The following GDAP1 variants were observed in gnomAD, a reference collection of about 807,000 sequenced individuals.
The protein encoded by GDAP1 is ganglioside-induced differentiation-associated protein 1.
A neutral mutation model predicts 40.1 loss-of-function variants in GDAP1; 34 were observed. The ratio of observed to expected loss-of-function variants is 0.85; its 90% CI spans 0.64 to 1.13. The LOEUF (loss-of-function observed/expected upper bound fraction) is 1.13. Among genes scored for constraint, GDAP1 ranks in the 50% most tolerant of loss-of-function variants. The pLI, the probability that GDAP1 is intolerant of heterozygous loss-of-function variation, is 0.00. For missense variants in GDAP1, 374 were observed against 433.7 expected (o/e 0.86, Z 1.22); for synonymous variants, 170 against 157.4 (o/e 1.08, Z -0.60).
intron 2 of GDAP1, among the ~76,000 whole-genome samples, chr8:74,410,187 A>T (rs1028899626): frequency 1.3e-5 from 2 of 150,174 alleles, no homozygotes; most frequent in African/African-American, 5.1e-5. Flanking sequence ...GGACATTCTG[A>T]TGCCAATTCT....
intron 2 of GDAP1, among the ~76,000 whole-genome samples, chr8:74,471,850 G>A (rs775989728): frequency 6.6e-5 from 10 of 152,192 alleles, no homozygotes; most frequent in South Asian, 2.1e-4. Context: ...TCAATTGTTT[G>A]TTCCTTAATA....
rs767553697 is a variant in GDAP1, at chr8:74,364,164, G to A, written c.874G>A (p.Val292Ile). ...RVLKRKTFNK[V>I]LGHVNNILIS... ...CTTGAAGAGAAAAACATTTAACAAG[G>A]TTTTAGGACATGTCAACAATATATT... Residue 292 changes from valine to isoleucine, a missense_variant, in exon 6 of 6, where the codon GTT (valine) becomes ATT (isoleucine). Val to Ile is a conservative substitution (Grantham distance 29, BLOSUM62 3). Transcript: ENST00000220822. The A allele has an allele frequency of 5.0e-6, 8 of 1,613,988 alleles. No homozygotes were observed. Among genetic ancestry groups the A allele is most frequent in the Non-Finnish European group, 5.9e-6 (7 of 1,180,008 alleles).
chr8:74,378,856 T>C (rs955421067), intron 2 of GDAP1, among the ~76,000 whole-genome samples: 14 of 152,198 alleles, frequency 9.2e-5, no homozygotes, highest in Non-Finnish European at 1.3e-4. Flanking sequence ...TCTGTGAGTT[T>C]ACAGGAGTAC....
At chr8:74,362,545 C>A (rs60710045) in intron 4 of GDAP1, among the ~76,000 whole-genome samples, 1 of 152,176 alleles carries the variant, frequency 6.6e-6, no homozygotes, top group South Asian at 2.1e-4. Flanking sequence ...ACTCTCCACT[C>A]GCCGTTTAAC....
At position 74,383,391 on chromosome 8, in the gene GDAP1, A is replaced by G. The variant is rs73689112; in HGVS notation, c.165+32070A>G. On this transcript the variant is annotated intron_variant, in intron 2 of 2. Coordinates refer to the GDAP1 transcript ENST00000523640. The stretch of plus-strand genomic sequence containing the variant: ...CTTGTTCCAAATGCATTCCACTGAA[A>G]TTGTATCCCAGGTTAGTTAAAAGCT... Among the ~76,000 whole-genome samples the G allele has an allele frequency of 6.7e-3, 1,013 of 152,290 alleles. 12 individuals carry two copies. The highest frequency in any genetic ancestry group is 0.023 in the African/African-American group (962 of 41,560).
At position 74,351,354 on chromosome 8, in the gene GDAP1, T is replaced by C; in HGVS notation, c.198T>C (p.Pro66=). The change falls in exon 2 of 6, where the codon CCT becomes CCC. Residue 66 remains proline, a synonymous_variant. Transcript: ENST00000220822. ...VSLPLSEHNE[P]WFMRLNSTGE... is the part of the protein sequence containing the mutation. The stretch of plus-strand genomic sequence containing the variant: ...TGCCCTTGAGTGAGCACAATGAGCC[T>C]TGGTTTATGCGTTTGAACTCAACTG... 6.2e-7 allele frequency: 1 copy of C among 1,613,996 alleles called. No individual in the cohort carries two copies. Among genetic ancestry groups the C allele is most frequent in the Non-Finnish European group, 8.5e-7 (1 of 1,179,794 alleles).
chr8:74,372,201 G>C (rs375348888), intron 2 of GDAP1, among the ~76,000 whole-genome samples: 16 of 152,158 alleles, frequency 1.1e-4, no homozygotes, highest in South Asian at 2.1e-4. Context: ...CAAGTCTTTG[G>C]TATTGTGAAT....
chr8:74,363,459 C>T (rs1809471428), intron 5 of GDAP1, among the ~76,000 whole-genome samples: 1 of 152,152 alleles, frequency 6.6e-6, no homozygotes, highest in Non-Finnish European at 1.5e-5. Context: ...GGTAAGCATG[C>T]CAGTGAACTG....
chr8:74,448,563 T>C (rs565566890), intron 2 of GDAP1, among the ~76,000 whole-genome samples: 1 of 152,268 alleles, frequency 6.6e-6, no homozygotes, highest in South Asian at 2.1e-4. Flanking sequence ...ATGAGTGTTC[T>C]AGTTGCTCCA....
At chr8:74,400,882 C>T (rs1265812356) in intron 2 of GDAP1, among the ~76,000 whole-genome samples, 1 of 149,482 alleles carries the variant, frequency 6.7e-6, no homozygotes, top group South Asian at 2.1e-4. Flanking sequence ...ATATTGGCCC[C>T]CACTCTCTTC....
intron 2 of GDAP1, among the ~76,000 whole-genome samples, chr8:74,474,770 T>G (rs1472904716): frequency 6.6e-6 from 1 of 152,182 alleles, no homozygotes; most frequent in Admixed American, 6.5e-5. Flanking sequence ...TGGTTGTGTT[T>G]CCGCCAGGCT....
chr8:74,433,669 A>G (rs1329475687), intron 2 of GDAP1, among the ~76,000 whole-genome samples: 5 of 152,126 alleles, frequency 3.3e-5, no homozygotes, highest in Non-Finnish European at 5.9e-5. Context: ...GTTTTTTCAA[A>G]GAATTAAACT....
chr8:74,410,982 G>A (rs59336169), intron 2 of GDAP1, among the ~76,000 whole-genome samples: 2,430 of 150,088 alleles, frequency 0.016, 325 homozygotes, highest in African/African-American at 0.059. Flanking sequence ...GAGGGAGGGA[G>A]GTGATTGGAT....
Position 74,365,670 on chromosome 8 carries a change from C to T in GDAP1, c.*1303C>T, listed in dbSNP as rs1166490508. On this transcript the variant is annotated 3_prime_UTR_variant, in exon 6 of 6. Coordinates refer to ENST00000220822, the MANE Select transcript of GDAP1 (RefSeq NM_018972.4). The stretch of plus-strand genomic sequence containing the variant: ...TTTATCATTAATAGGAAAGTCATAC[C>T]TAGGAAACAATGACTTTTTGATGGC... 3 of 454,334 alleles carry T rather than the reference C, an allele frequency of 6.6e-6. No homozygotes were observed. Among genetic ancestry groups the T allele is most frequent in the Non-Finnish European group, 8.8e-6 (2 of 226,744 alleles). 28.1% of individuals were successfully genotyped at this position (454,334 alleles called of 1,614,324 possible). A position where few individuals can be genotyped will look rare whatever the true frequency, so the allele number is the denominator to read the frequency against.
chr8:74,362,030 C>T, intron 4 of GDAP1, 52 bp downstream of exon 4: 1 of 938,556 alleles, frequency 1.1e-6, no homozygotes, highest in Non-Finnish European at 1.7e-6. Flanking sequence ...AGTAAATGTT[C>T]TACTTTTTGT....
At chr8:74,483,092 C>G (rs1806732539) in intron 2 of GDAP1, among the ~76,000 whole-genome samples, 1 of 152,078 alleles carries the variant, frequency 6.6e-6, no homozygotes, top group African/African-American at 2.4e-5. Context: ...TTTCTGATCA[C>G]AATAAATGAA....
Position 74,451,405 on chromosome 8 carries a change from G to A in GDAP1, c.166-37273G>A, listed in dbSNP as rs1204777791. ...GTGGAGGTGGCAGTGAGCCAAGATC[G>A]TGCCCTTGCACTCTAGCCTAGGCGA... On this transcript the variant is annotated intron_variant, in intron 2 of 2. Coordinates refer to the GDAP1 transcript ENST00000523640. Among the ~76,000 whole-genome samples the A allele has an allele frequency of 2.6e-5, 2 of 76,522 alleles. 1 individual carries two copies. The highest frequency in any genetic ancestry group is 7.6e-4 in the East Asian group (2 of 2,632). 50.2% of individuals were successfully genotyped at this position (76,522 alleles called of 152,430 possible). A position where few individuals can be genotyped will look rare whatever the true frequency, so the allele number is the denominator to read the frequency against.
rs1445296130 is a variant in GDAP1, at chr8:74,366,258, GT to G, written c.*1894del. Reference sequence around the variant, plus strand: ...ATACTTGAGTTTGTGCTTTTAAGGTGTTTGTTTAGGGATACAATGACCACTA... The same window carrying G: ...ATACTTGAGTTTGTGCTTTTAAGGTGTTGTTTAGGGATACAATGACCACTA... On this transcript the variant is annotated 3_prime_UTR_variant, in exon 6 of 6. Transcript: ENST00000220822. 30 of 454,306 alleles carry G rather than the reference GT, an allele frequency of 6.6e-5. No homozygotes were observed. Among genetic ancestry groups the G allele is most frequent in the Non-Finnish European group, 8.4e-5 (19 of 226,740 alleles). 28.1% of individuals were successfully genotyped at this position (454,306 alleles called of 1,614,324 possible).
At chr8:74,350,737 T>G (rs1257876701) in intron 1 of GDAP1, among the ~76,000 whole-genome samples, 159 bp downstream of exon 1, 1 of 151,940 alleles carries the variant, frequency 6.6e-6, no homozygotes, top group Non-Finnish European at 1.5e-5. Flanking sequence ...CGCGCCCGGG[T>G]GGGGAGCGGG....
Sources: gnomAD v4.1 joint callset for allele counts (sites outside exome capture counted in the v4.1 genomes callset) on GRCh38, gnomAD v4.1.1 for gene constraint, MANE v1.5 for transcripts, NCBI Gene and HGNC (gene_info 2026-07-23, HGNC 2026-07-21) for gene names.